Variants in FOLH1 observed in about 807,000 individuals in gnomAD.
FOLH1 encodes the protein glutamate carboxypeptidase 2.
Under a neutral mutation model 93.9 loss-of-function variants are expected in FOLH1, and 54 were observed. That is an observed-to-expected ratio of 0.57 (90% CI 0.46 to 0.72). FOLH1 has a LOEUF of 0.72. Among genes scored for constraint, FOLH1 ranks in the 30% least tolerant of loss-of-function variants. The probability of loss-of-function intolerance (pLI) is 0.00; values close to 1 mark genes in which losing one functional copy is unlikely to be tolerated. For synonymous variants in FOLH1, 249 were observed against 303.6 expected, an observed-to-expected ratio of 0.82 and a Z score of 1.87; for missense variants, 571 against 892.5, an observed-to-expected ratio of 0.64 and a Z score of 4.59.
At chr11:49,184,278 T>C (rs1382764820) in intron 6 of FOLH1, among the ~76,000 whole-genome samples, 1 of 152,162 alleles carries the variant, frequency 6.6e-6, no homozygotes, top group East Asian at 1.9e-4. Flanking sequence ...CTTTTGTATA[T>C]GTTAGAATTA....
intron 17 of FOLH1, among the ~76,000 whole-genome samples, 199 bp from the exon 18 acceptor site, chr11:49,148,930 ATTTTT>A (rs946021466): frequency 6.6e-6 from 1 of 151,776 alleles, no homozygotes; most frequent in African/African-American, 2.4e-5. Flanking sequence ...CCTTTGTGGA[ATTTTT>A]TTTTATTATT....
intron 1 of FOLH1, chr11:49,207,008 G>A (rs541552788): frequency 1.8e-5 from 10 of 553,366 alleles, no homozygotes; most frequent in African/African-American, 1.1e-4. Flanking sequence ...GTTCTTAATC[G>A]CATGCATACA....
intron 7 of FOLH1, 51 bp downstream of exon 7, chr11:49,183,098 G>C: frequency 1.3e-6 from 2 of 1,494,690 alleles, no homozygotes; most frequent in Non-Finnish European, 1.8e-6. Context: ...TTTGAAAACT[G>C]TCAATAAGAA....
chr11:49,179,351 A>G (rs1370631969), intron 7 of FOLH1, among the ~76,000 whole-genome samples: 1 of 152,236 alleles, frequency 6.6e-6, no homozygotes, highest in Non-Finnish European at 1.5e-5. Flanking sequence ...GAGCCTGGAT[A>G]AATTTAAAAG....
chr11:49,191,787 T>C (rs1862075069), intron 4 of FOLH1, among the ~76,000 whole-genome samples: 1 of 152,222 alleles, frequency 6.6e-6, no homozygotes, highest in African/African-American at 2.4e-5. Context: ...AAGCTCCGCC[T>C]CCCGGGTTCA....
chr11:49,203,970 C>T (rs1050764977), intron 2 of FOLH1, among the ~76,000 whole-genome samples: 2 of 152,204 alleles, frequency 1.3e-5, no homozygotes, highest in African/African-American at 4.8e-5. Context: ...TGAATGCAGA[C>T]TCCAGGGAGA....
At chr11:49,179,343 G>A (rs1860464256) in intron 7 of FOLH1, among the ~76,000 whole-genome samples, 1 of 152,140 alleles carries the variant, frequency 6.6e-6, no homozygotes, top group Non-Finnish European at 1.5e-5. Context: ...TGTAAAACGA[G>A]CCTGGATAAA....
At chr11:49,168,122 T>A (rs184505687) in intron 12 of FOLH1, among the ~76,000 whole-genome samples, 4 of 148,968 alleles carry the variant, frequency 2.7e-5, no homozygotes, top group African/African-American at 1.0e-4. Flanking sequence ...ATAAGCAAGA[T>A]ACTGTCTGTT....
At chr11:49,153,454 CT>C (rs746098107) in intron 17 of FOLH1, among the ~76,000 whole-genome samples, 6 of 151,552 alleles carry the variant, frequency 4.0e-5, no homozygotes, top group Admixed American at 6.6e-5. Flanking sequence ...AGAAATAAAA[CT>C]GGAAACAGCT....
At chr11:49,164,630 T>C (rs1368708100) in intron 13 of FOLH1, 75 bp downstream of exon 13, 1 of 992,886 alleles carries the variant, frequency 1.0e-6, no homozygotes, top group African/African-American at 1.6e-5. Flanking sequence ...AAACACCACC[T>C]ATGTTTAACA....
chr11:49,206,028 TAAC>T, intron 2 of FOLH1, 36 bp downstream of exon 2: 1 of 1,570,842 alleles, frequency 6.4e-7, no homozygotes, highest in East Asian at 2.3e-5. Flanking sequence ...TAAATTTTTC[TAAC>T]AACTTGTCCA....
chr11:49,206,660 A>G (rs1284048241), intron 1 of FOLH1: 17 of 802,534 alleles, frequency 2.1e-5, no homozygotes, highest in Non-Finnish European at 3.3e-5. Context: ...AAGGAAATTC[A>G]GACTTCTAAT....
In FOLH1 at chr11:49,174,744, T is replaced by C. The variant is rs1301229794; in HGVS notation, c.1105+148A>G. On this transcript the variant is annotated intron_variant, in intron 9 of 18. Coordinates refer to ENST00000256999, the MANE Select transcript of FOLH1 (RefSeq NM_004476.3). ...CAATACAAAATTATTTCATACTTATTTCCTTTGTTTTTAGGTGAGTTCCAC... is the reference window on the plus strand; with the variant it reads ...CAATACAAAATTATTTCATACTTATCTCCTTTGTTTTTAGGTGAGTTCCAC... The C allele has an allele frequency of 2.6e-5, 18 of 703,970 alleles. No individual in the cohort carries two copies. The Admixed American group carries it at 4.7e-4, about 19-fold the overall frequency. 43.6% of individuals were successfully genotyped at this position (703,970 alleles called of 1,614,324 possible).
chr11:49,175,981 T>G (rs759493195), intron 7 of FOLH1, 24 bp from the exon 8 acceptor site: 13 of 1,605,906 alleles, frequency 8.1e-6, no homozygotes, highest in Non-Finnish European at 1.1e-5. Context: ...AAAAACATTA[T>G]TAGCCACAAA....
intron 1 of FOLH1, chr11:49,206,732 C>T (rs1275286883): frequency 5.9e-6 from 9 of 1,530,834 alleles, no homozygotes; most frequent in East Asian, 4.9e-5. Context: ...GTGAAGTAGG[C>T]GTGAGAAATC....
intron 11 of FOLH1, among the ~76,000 whole-genome samples, chr11:49,170,490 C>T (rs1859127001): frequency 6.6e-6 from 1 of 152,076 alleles, no homozygotes; most frequent in South Asian, 2.1e-4. Context: ...TGGCACATGC[C>T]TGTAATCCCA....
chr11:49,159,409 T>A (rs1857401305), intron 13 of FOLH1, among the ~76,000 whole-genome samples: 1 of 152,252 alleles, frequency 6.6e-6, no homozygotes, highest in Non-Finnish European at 1.5e-5. Flanking sequence ...TTGTTTCTAG[T>A]TCTGCCTATG....
intron 15 of FOLH1, among the ~76,000 whole-genome samples, chr11:49,154,925 G>A (rs886495701): frequency 6.6e-6 from 1 of 151,932 alleles, no homozygotes; most frequent in African/African-American, 2.4e-5. Flanking sequence ...AAATTCCATG[G>A]ATAAATGATT....
At chr11:49,183,401 A>C (rs979489058) in intron 6 of FOLH1, among the ~76,000 whole-genome samples, 159 bp from the exon 7 acceptor site, 1 of 152,214 alleles carries the variant, frequency 6.6e-6, no homozygotes, top group Non-Finnish European at 1.5e-5. Flanking sequence ...GAGCAACTGA[A>C]ATCCTCATAC....
Sources: allele counts gnomAD v4.1 joint callset (sites outside exome capture counted in the v4.1 genomes callset), GRCh38; gene constraint gnomAD v4.1.1; transcripts MANE v1.5; gene names NCBI Gene and HGNC (gene_info 2026-07-23, HGNC 2026-07-21).